TMEFF2: variants seen among roughly 807,000 people sequenced by gnomAD.
The protein encoded by TMEFF2 is transmembrane protein with EGF like and two follistatin like domains 2.
Under a neutral mutation model 53.8 loss-of-function variants are expected in TMEFF2, and 28 were observed. The ratio of observed to expected loss-of-function variants is 0.52; its 90% CI spans 0.39 to 0.71. The LOEUF (loss-of-function observed/expected upper bound fraction) is 0.71. Among genes scored for constraint, TMEFF2 ranks in the 30% least tolerant of loss-of-function variants. The pLI, the probability that TMEFF2 is intolerant of heterozygous loss-of-function variation, is 0.00. For synonymous variants in TMEFF2, 162 were observed against 166.3 expected (o/e 0.97, Z 0.20); for missense variants, 353 against 455.2 (o/e 0.78, Z 2.04).
intron 7 of TMEFF2, among the ~76,000 whole-genome samples, chr2:191,981,434 C>G (rs1685849674): frequency 6.6e-6 from 1 of 152,316 alleles, no homozygotes; most frequent in Admixed American, 6.5e-5. Context: ...CACACATCAG[C>G]TGGAATCCCT....
At chr2:192,174,492 A>C (rs148261649) in intron 4 of TMEFF2, among the ~76,000 whole-genome samples, 144 of 151,498 alleles carry the variant, frequency 9.5e-4, no homozygotes, top group African/African-American at 3.3e-3. Context: ...TCTCTATTTC[A>C]TTACTCCATT....
At chr2:192,113,374 ATTC>A (rs1295935391) in intron 4 of TMEFF2, among the ~76,000 whole-genome samples, 1 of 152,184 alleles carries the variant, frequency 6.6e-6, no homozygotes, top group Non-Finnish European at 1.5e-5. Flanking sequence ...TTTTTTATAT[ATTC>A]TTGAGTCTTA....
intron 7 of TMEFF2, among the ~76,000 whole-genome samples, chr2:191,972,392 A>G (rs750590276): frequency 7.3e-6 from 1 of 136,434 alleles, no homozygotes; most frequent in Non-Finnish European, 1.5e-5. Flanking sequence ...TGAACTCCTG[A>G]CCTCAGGTGA....
At chr2:191,961,251 C>A (rs1311669285) in intron 7 of TMEFF2, among the ~76,000 whole-genome samples, 1 of 152,080 alleles carries the variant, frequency 6.6e-6, no homozygotes, top group Non-Finnish European at 1.5e-5. Flanking sequence ...GACCTAAGTT[C>A]AATTTTTAAA....
intron 3 of TMEFF2, among the ~76,000 whole-genome samples, chr2:192,183,363 A>G (rs1157142173): frequency 1.3e-5 from 2 of 152,154 alleles, no homozygotes; most frequent in African/African-American, 2.4e-5. Context: ...CACTTAGCAC[A>G]TAACTTTTAA....
intron 4 of TMEFF2, among the ~76,000 whole-genome samples, chr2:192,062,267 CAA>C (rs1408691699): frequency 1.3e-5 from 2 of 152,048 alleles, no homozygotes; most frequent in Non-Finnish European, 2.9e-5. Context: ...ATTTTTGTGT[CAA>C]GTTTCTTTCA....
chr2:192,055,699 C>T (rs951725435), intron 5 of TMEFF2, among the ~76,000 whole-genome samples: 7 of 137,908 alleles, frequency 5.1e-5, no homozygotes, highest in African/African-American at 1.3e-4. Flanking sequence ...CTCTTGAACC[C>T]GGGAGGCGGA....
Position 192,061,414 on chromosome 2 carries a change from A to G in TMEFF2, c.440-3639T>C, listed in dbSNP as rs995507934. On this transcript the variant is annotated intron_variant, in intron 4 of 9. Coordinates refer to ENST00000272771, the MANE Select transcript of TMEFF2 (RefSeq NM_016192.4). ...AATAATAAAAAAATAAAAATAGAGT[A>G]TAACACATTTTTACACAGCATTTAT... Among the ~76,000 whole-genome samples, 6 of 152,212 alleles carry G rather than the reference A, an allele frequency of 3.9e-5. No homozygotes were observed. The East Asian group carries it at 1.2e-3, about 29-fold the overall frequency.
At chr2:191,973,941 C>A (rs1341536125) in intron 7 of TMEFF2, among the ~76,000 whole-genome samples, 1 of 152,128 alleles carries the variant, frequency 6.6e-6, no homozygotes, top group Non-Finnish European at 1.5e-5. Context: ...TTGTAAGTTT[C>A]CTGAGGCCTC....
At chr2:192,037,831 C>A (rs895760182) in intron 5 of TMEFF2, 5 of 152,132 alleles carry the variant, frequency 3.3e-5, no homozygotes, top group African/African-American at 1.2e-4. Flanking sequence ...TTTGAAAGGA[C>A]AGTTTTTCTG....
chr2:192,075,334 CAT>C (rs1688407780), intron 4 of TMEFF2, among the ~76,000 whole-genome samples: 2 of 35,206 alleles, frequency 5.7e-5, no homozygotes, highest in African/African-American at 1.7e-4. Context: ...TATATATATA[CAT>C]ACATACTATG....
chr2:191,974,439 A>C (rs575207011), intron 7 of TMEFF2, among the ~76,000 whole-genome samples: 1 of 152,216 alleles, frequency 6.6e-6, no homozygotes, highest in African/African-American at 2.4e-5. Flanking sequence ...GCTTGGTTCT[A>C]TATATCTTTT....
At chr2:192,003,660 G>A (rs1241871395) in intron 5 of TMEFF2, among the ~76,000 whole-genome samples, 4 of 152,148 alleles carry the variant, frequency 2.6e-5, no homozygotes, top group Admixed American at 6.6e-5. Flanking sequence ...TAAAGCATCA[G>A]TTGCTCAAAA....
At chr2:191,957,262 TATG>T (rs150845274) in intron 7 of TMEFF2, among the ~76,000 whole-genome samples, 1,827 of 152,322 alleles carry the variant, frequency 0.012, 35 homozygotes, top group African/African-American at 0.041. Context: ...ATGTTCATTT[TATG>T]ATAAAACTTT....
At chr2:192,088,347 G>A (rs547894778) in intron 4 of TMEFF2, among the ~76,000 whole-genome samples, 6 of 152,146 alleles carry the variant, frequency 3.9e-5, no homozygotes, top group Admixed American at 1.3e-4. Context: ...GACTATTAAC[G>A]TTGACTATGT....
At chr2:192,027,163 C>G (rs1686990550) in intron 5 of TMEFF2, among the ~76,000 whole-genome samples, 1 of 152,098 alleles carries the variant, frequency 6.6e-6, no homozygotes, top group South Asian at 2.1e-4. Flanking sequence ...GTATATGTGG[C>G]TTGTGCAAAA....
At chr2:192,153,487 T>C (rs544193846) in intron 4 of TMEFF2, among the ~76,000 whole-genome samples, 1 of 151,988 alleles carries the variant, frequency 6.6e-6, no homozygotes, top group South Asian at 2.1e-4. Flanking sequence ...TGGCAGCCAA[T>C]GATCAGGTAC....
At chr2:192,006,096 T>A (rs1247740170) in intron 5 of TMEFF2, among the ~76,000 whole-genome samples, 1 of 151,338 alleles carries the variant, frequency 6.6e-6, no homozygotes, top group Non-Finnish European at 1.5e-5. Flanking sequence ...TGGGCAATCC[T>A]TTTAGTTTTG....
At chr2:192,026,082 C>T (rs1046260798) in intron 5 of TMEFF2, among the ~76,000 whole-genome samples, 2 of 152,108 alleles carry the variant, frequency 1.3e-5, no homozygotes, top group African/African-American at 4.8e-5. Flanking sequence ...CCTGTGCGCC[C>T]CTCCCCACCC....
Sources: gnomAD v4.1 joint callset for allele counts (sites outside exome capture counted in the v4.1 genomes callset) on GRCh38, gnomAD v4.1.1 for gene constraint, MANE v1.5 for transcripts, NCBI Gene and HGNC (gene_info 2026-07-23, HGNC 2026-07-21) for gene names.